The following LHX6 variants were observed in gnomAD, a reference collection of about 807,000 sequenced individuals.
LHX6 encodes the protein LIM/homeobox protein Lhx6.
A neutral mutation model predicts 47.1 loss-of-function variants in LHX6; 15 were observed. The observed-to-expected ratio is 0.32, with a 90% CI of 0.21 to 0.49. LHX6 has a LOEUF of 0.49. Among genes scored for constraint, LHX6 ranks in the 20% least tolerant of loss-of-function variants. The probability of loss-of-function intolerance (pLI) is 0.99; values close to 1 mark genes in which losing one functional copy is unlikely to be tolerated. For missense variants in LHX6, 404 were observed against 539.6 expected, an observed-to-expected ratio of 0.75 and a Z score of 2.49; for synonymous variants, 242 against 233.5, an observed-to-expected ratio of 1.04 and a Z score of -0.33.
At position 122,226,378 on chromosome 9, in the gene LHX6, G is replaced by A. The variant is rs771379752; in HGVS notation, c.459C>T (p.Phe153=). The A allele has an allele frequency of 2.5e-6, 4 of 1,612,638 alleles. No individual in the cohort carries two copies. The highest frequency in any genetic ancestry group is 4.5e-5 in the East Asian group (2 of 44,840). The change falls in exon 4 of 10, where the codon TTC becomes TTT. Residue 153 remains phenylalanine (F), a splice_region_variant and synonymous_variant. Transcript: ENST00000394319. This position sits in a 1 kb window ranked among gnomAD's most constrained non-coding sequence, Gnocchi z 6.5. ...NKEIFCKMDY[F]SRFGTKCARC... The stretch of plus-strand genomic sequence containing the variant: ...CTGGCTCGGCGGCCGCAGCCTACCT[G>A]AAGTAGTCCATCTTGCAGAAGATCT...
chr9:122,206,359 C>T (rs372114872), intron 9 of LHX6, among the ~76,000 whole-genome samples: 5 of 152,276 alleles, frequency 3.3e-5, no homozygotes, highest in East Asian at 3.9e-4. Context: ...TGGAAGAAAG[C>T]CCAGACAATC....
intron 9 of LHX6, among the ~76,000 whole-genome samples, 166 bp downstream of exon 9, chr9:122,209,448 C>T (rs1830313843): frequency 6.6e-6 from 1 of 152,238 alleles, no homozygotes; most frequent in Admixed American, 6.5e-5. Flanking sequence ...CTAGCAACCA[C>T]CGCTCCAGTG....
At chr9:122,222,294 G>A (rs368129158) in intron 4 of LHX6, among the ~76,000 whole-genome samples, 32 of 152,296 alleles carry the variant, frequency 2.1e-4, no homozygotes, top group African/African-American at 7.2e-4. Flanking sequence ...TGAATGTCCC[G>A]GAAAGGAGCA....
At chr9:122,224,636 A>G (rs929409535) in intron 4 of LHX6, among the ~76,000 whole-genome samples, 99 of 150,436 alleles carry the variant, frequency 6.6e-4, no homozygotes, top group African/African-American at 2.4e-3. Context: ...GAATCCCCTC[A>G]CCTCACCCTC....
chr9:122,213,966 C>CG lies in LHX6; in HGVS notation c.879+7dup. 6.3e-7 allele frequency: 1 copy of CG among 1,580,128 alleles called. No homozygotes were observed. Among genetic ancestry groups the CG allele is most frequent in the Non-Finnish European group, 8.6e-7 (1 of 1,161,538 alleles). On this transcript the variant is annotated splice_region_variant and intron_variant, in intron 7 of 9. Transcript: ENST00000394319. The surrounding 1 kb of genome is among the most constrained non-coding windows in gnomAD (Gnocchi z 5.5). The stretch of plus-strand genomic sequence containing the variant: ...GCGGTCCCCAGGCCCCGCCCACCCC[C>CG]GTCCCACCTGGATGACTCTCCGGCT...
rs1201261853 is a variant in LHX6, at chr9:122,217,470, G to A, written c.462-182C>T. On this transcript the variant is annotated intron_variant, in intron 4 of 9. Coordinates refer to ENST00000394319, the MANE Select transcript of LHX6 (RefSeq NM_014368.5). This position sits in a 1 kb window ranked among gnomAD's most constrained non-coding sequence, Gnocchi z 4.9. ...AGTCCCACCTAGGAGATGAACTGGT[G>A]GGTGATTTTTATTTTCTTCTTGGTG... 6.6e-6 allele frequency among the ~76,000 whole-genome samples: 1 copy of A among 152,146 alleles called. No individual in the cohort carries two copies. The highest frequency in any genetic ancestry group is 2.4e-5 in the African/African-American group (1 of 41,410).
intron 5 of LHX6, 94 bp downstream of exon 5, chr9:122,216,974 C>T (rs891916214): frequency 2.7e-5 from 28 of 1,048,368 alleles, no homozygotes; most frequent in African/African-American, 2.4e-4. Flanking sequence ...AGGGCCCAAT[C>T]GGTAGAGGAG....
Position 122,226,424 on chromosome 9 carries a change from C to T in LHX6, c.413G>A (p.Ser138Asn). ...VCRTSLRQQN[S>N]CYIKNKEIFC... is the part of the protein sequence containing the mutation. ...GATCTCCTTGTTCTTGATGTAGCAG[C>T]TGTTCTGCTGCCTCAGCGACGTGCG... is the stretch of plus-strand genomic sequence containing the variant. The change falls in exon 4 of 10, where the codon AGC (serine) becomes AAC (asparagine). Residue 138 changes from serine (S) to asparagine (N), a missense_variant. This residue lies in a region of LHX6 where 53 missense variants were observed against 97.4 expected (regional missense o/e 0.54). Coordinates refer to ENST00000394319, the MANE Select transcript of LHX6 (RefSeq NM_014368.5). The surrounding 1 kb of genome is among the most constrained non-coding windows in gnomAD (Gnocchi z 6.5). 1.9e-6 allele frequency: 3 copies of T among 1,613,764 alleles called. No individual in the cohort carries two copies. The highest frequency in any genetic ancestry group is 2.5e-6 in the Non-Finnish European group (3 of 1,179,926).
At chr9:122,220,095 ACT>A (rs1179310064) in intron 4 of LHX6, among the ~76,000 whole-genome samples, 3 of 151,420 alleles carry the variant, frequency 2.0e-5, no homozygotes, top group Non-Finnish European at 4.4e-5. Flanking sequence ...CACGTCAAAG[ACT>A]CTCCGCGCAC....
At chr9:122,212,562 G>A (rs1429550769) in intron 8 of LHX6, among the ~76,000 whole-genome samples, 3 of 152,224 alleles carry the variant, frequency 2.0e-5, no homozygotes, top group Non-Finnish European at 4.4e-5. Flanking sequence ...ACAATTGATG[G>A]GAACAACTTC....
intron 5 of LHX6, among the ~76,000 whole-genome samples, chr9:122,216,420 A>G (rs1830595302): frequency 1.3e-5 from 2 of 152,214 alleles, no homozygotes. Context: ...TTTAGGGATC[A>G]TTCTAGTCCA....
chr9:122,227,228 G>A, intron 2 of LHX6, 181 bp downstream of exon 2: 1 of 788,322 alleles, frequency 1.3e-6, no homozygotes. Flanking sequence ...CGCGCATTCT[G>A]GGTGCTGGGA....
chr9:122,215,383 G>C (rs1315883922), intron 5 of LHX6, among the ~76,000 whole-genome samples: 5 of 152,204 alleles, frequency 3.3e-5, no homozygotes, highest in Admixed American at 3.3e-4. Flanking sequence ...GTGTATCTGT[G>C]TGTGTGTTAT....
chr9:122,214,743 G>A lies in LHX6; in HGVS notation c.683-360C>T, dbSNP rs1830534593. On this transcript the variant is annotated intron_variant, in intron 5 of 9. Transcript: ENST00000394319. The surrounding 1 kb of genome is among the most constrained non-coding windows in gnomAD (Gnocchi z 4.6). ...CCTAATGTCCCAAACTGGGCTCCCT[G>A]CTGGCGAAACTGGGGGACACCAAAG... Among the ~76,000 whole-genome samples, 1 of 152,138 alleles carries A rather than the reference G, an allele frequency of 6.6e-6. No homozygotes were observed. The highest frequency in any genetic ancestry group is 6.5e-5 in the Admixed American group (1 of 15,276).
Position 122,204,722 on chromosome 9 carries a change from T to C in LHX6, c.*38A>G. 1 of 1,594,586 alleles carries C rather than the reference T, an allele frequency of 6.3e-7. No homozygotes were observed. The highest frequency in any genetic ancestry group is 8.5e-7 in the Non-Finnish European group (1 of 1,170,348). Reference sequence around the variant, plus strand: ...GATCTCAGCGGCTGAGGGGCAGCTGTGGGGCGCCCACGGGCAGATGCGGAA... The same window carrying C: ...GATCTCAGCGGCTGAGGGGCAGCTGCGGGGCGCCCACGGGCAGATGCGGAA... On this transcript the variant is annotated 3_prime_UTR_variant, in exon 10 of 10. Coordinates refer to ENST00000394319, the MANE Select transcript of LHX6 (RefSeq NM_014368.5).
intron 9 of LHX6, among the ~76,000 whole-genome samples, chr9:122,207,851 C>T (rs1830243586): frequency 6.6e-6 from 1 of 152,128 alleles, no homozygotes; most frequent in East Asian, 1.9e-4. Context: ...ATCCCTATAT[C>T]CCACCCCAAC....
rs1003174388 is a variant in LHX6 at position 122,203,174 on chromosome 9, C to G, written c.*1586G>C. 1 of 152,680 alleles carries G rather than the reference C, an allele frequency of 6.5e-6. No homozygotes were observed. Among genetic ancestry groups the G allele is most frequent in the Non-Finnish European group, 1.5e-5 (1 of 68,056 alleles). 9.5% of individuals were successfully genotyped at this position (152,680 alleles called of 1,614,324 possible). Reference sequence around the variant, plus strand: ...GGAAGCAGGTTCCCTTCTTAGGCTGCACCTGTGCCTACCCTGCCTGTAGAT... The same window carrying G: ...GGAAGCAGGTTCCCTTCTTAGGCTGGACCTGTGCCTACCCTGCCTGTAGAT... On this transcript the variant is annotated 3_prime_UTR_variant, in exon 10 of 10. Transcript: ENST00000394319.
At position 122,217,143 on chromosome 9, in the gene LHX6, G is replaced by A. The variant is rs201468383; in HGVS notation, c.607C>T (p.Leu203=). The A allele has an allele frequency of 3.1e-6, 5 of 1,614,236 alleles. No homozygotes were observed. Among genetic ancestry groups the A allele is most frequent in the African/African-American group, 2.7e-5 (2 of 75,068 alleles). ...RQLSTGEEFG[L]VEEKVLCRIH... ...CGGCAGAGCACCTTCTCCTCGACCA[G>A]GCCGAACTCCTCACCAGTGGACAGC... The change falls in exon 5 of 10, where the codon CTG becomes TTG. Residue 203 remains leucine, a synonymous_variant. Transcript: ENST00000394319. The surrounding 1 kb of genome is among the most constrained non-coding windows in gnomAD (Gnocchi z 4.9).
At position 122,204,636 on chromosome 9, in the gene LHX6, AGG is replaced by A; in HGVS notation, c.*122_*123del. On this transcript the variant is annotated 3_prime_UTR_variant, in exon 10 of 10. Coordinates refer to ENST00000394319, the MANE Select transcript of LHX6 (RefSeq NM_014368.5). The stretch of plus-strand genomic sequence containing the variant: ...CTCGGGAACCGACCTGGTGGTGGGC[AGG>A]ATGGCGGACGGGGGTGGATGCGGAG... The A allele has an allele frequency of 2.5e-6, 3 of 1,194,998 alleles. No homozygotes were observed. Among genetic ancestry groups the A allele is most frequent in the Non-Finnish European group, 2.4e-6 (2 of 848,978 alleles). 74.0% of individuals were successfully genotyped at this position (1,194,998 alleles called of 1,614,324 possible).
Sources: gnomAD v4.1 joint callset for allele counts (sites outside exome capture counted in the v4.1 genomes callset) on GRCh38, gnomAD v4.1.1 for gene constraint, gnomAD v4.1.1 regional missense constraint, Gnocchi (gnomAD v3.1) non-coding constraint, MANE v1.5 for transcripts, NCBI Gene and HGNC (gene_info 2026-07-23, HGNC 2026-07-21) for gene names.